MYRFL: variants seen among roughly 807,000 people sequenced by gnomAD.
MYRFL encodes myelin regulatory factor-like protein.
Under a neutral mutation model 109.4 loss-of-function variants are expected in MYRFL, and 88 were observed. The ratio of observed to expected loss-of-function variants is 0.80; its 90% confidence interval spans 0.68 to 0.96. The LOEUF (loss-of-function observed/expected upper bound fraction) is 0.96. Ranked by LOEUF, MYRFL falls within the 40% of genes least tolerant of loss-of-function variation. The pLI is 0.00. For missense variants in MYRFL, 957 were observed against 954.9 expected, an observed-to-expected ratio of 1.00 and a Z score of -0.03; for synonymous variants, 324 against 320.9, an observed-to-expected ratio of 1.01 and a Z score of -0.10.
intron 1 of MYRFL, among the ~76,000 whole-genome samples, chr12:69,852,799 G>T (rs1006532355): frequency 1.3e-5 from 2 of 151,770 alleles, no homozygotes. Context: ...CTTAACGAGC[G>T]TGCTGCCTTC....
At chr12:69,853,082 T>C (rs1883989242) in intron 1 of MYRFL, among the ~76,000 whole-genome samples, 2 of 152,246 alleles carry the variant, frequency 1.3e-5, no homozygotes, top group African/African-American at 2.4e-5. Context: ...TCATGGCCCG[T>C]TCTCAATGAG....
chr12:69,845,422 T>C (rs924785458), intron 1 of MYRFL, among the ~76,000 whole-genome samples: 1 of 152,220 alleles, frequency 6.6e-6, no homozygotes, highest in Non-Finnish European at 1.5e-5. Context: ...TCAACTCCAC[T>C]ATGAGGTCAT....
chr12:69,859,404 T>G (rs1884498022), intron 2 of MYRFL, among the ~76,000 whole-genome samples: 1 of 152,198 alleles, frequency 6.6e-6, no homozygotes, highest in Non-Finnish European at 1.5e-5. Context: ...CTGATTGCTT[T>G]CTACTAATTT....
intron 1 of MYRFL, among the ~76,000 whole-genome samples, chr12:69,826,590 A>G (rs1240103903): frequency 2.0e-5 from 3 of 152,038 alleles, no homozygotes; most frequent in East Asian, 1.9e-4. Flanking sequence ...TTTTATTTCT[A>G]TGGGATCCCT....
chr12:69,938,226 G>T (rs1348324360), intron 19 of MYRFL, among the ~76,000 whole-genome samples: 2 of 152,168 alleles, frequency 1.3e-5, no homozygotes, highest in African/African-American at 4.8e-5. Context: ...TATCCCTTGT[G>T]AAAGCACATG....
intron 19 of MYRFL, among the ~76,000 whole-genome samples, chr12:69,943,879 G>C (rs569699675): frequency 6.6e-6 from 1 of 152,098 alleles, no homozygotes; most frequent in South Asian, 2.1e-4. Context: ...TGAAGGACAT[G>C]AACAGACACT....
intron 13 of MYRFL, among the ~76,000 whole-genome samples, chr12:69,918,992 T>C (rs1790894904): frequency 6.6e-6 from 1 of 152,218 alleles, no homozygotes; most frequent in Admixed American, 6.5e-5. Flanking sequence ...TATTTGTGGT[T>C]TACTTGCTAT....
At chr12:69,912,970 T>A (rs1167888118) in intron 13 of MYRFL, among the ~76,000 whole-genome samples, 1 of 151,548 alleles carries the variant, frequency 6.6e-6, no homozygotes, top group Non-Finnish European at 1.5e-5. Flanking sequence ...TGCTTGTAAT[T>A]TTTTTTTTCT....
chr12:69,859,350 G>A (rs1884495662), intron 2 of MYRFL, among the ~76,000 whole-genome samples: 1 of 152,090 alleles, frequency 6.6e-6, no homozygotes, highest in Admixed American at 6.6e-5. Flanking sequence ...ATATCAGTTA[G>A]GTCAAGTTGG....
chr12:69,926,549 CTGTT>C lies in MYRFL; in HGVS notation c.1603-19_1603-16del, dbSNP rs1566030508. 6.8e-7 allele frequency: 1 copy of C among 1,471,636 alleles called. No individual in the cohort carries two copies. The highest frequency in any genetic ancestry group is 9.0e-7 in the Non-Finnish European group (1 of 1,114,426). The allele number at this position is 1,471,636 out of a possible 1,614,324, so 91.2% of individuals were successfully genotyped here. ...ATCTCAAATTGTTAATTTATGCACT[CTGTT>C]TGATTTTTCCCTTTTAGGACCAGAT... On this transcript the variant is annotated intron_variant, in intron 13 of 24. Transcript: ENST00000552032.
chr12:69,936,083 T>TTG, intron 16 of MYRFL, 30 bp from the exon 17 acceptor site: 7 of 1,128,912 alleles, frequency 6.2e-6, no homozygotes, highest in Non-Finnish European at 4.6e-6. Flanking sequence ...ATAATGTTTT[T>TTG]TTTTTTTTTT....
intron 13 of MYRFL, among the ~76,000 whole-genome samples, chr12:69,923,194 C>G (rs1374405920): frequency 6.6e-6 from 1 of 152,158 alleles, no homozygotes; most frequent in African/African-American, 2.4e-5. Flanking sequence ...GCTCCTGAGT[C>G]ATTTTGACCC....
At chr12:69,900,930 G>A (rs1159132991) in intron 10 of MYRFL, among the ~76,000 whole-genome samples, 1 of 152,178 alleles carries the variant, frequency 6.6e-6, no homozygotes, top group Non-Finnish European at 1.5e-5. Context: ...GCTGTGCCCA[G>A]GAGAGTGTGT....
intron 11 of MYRFL, among the ~76,000 whole-genome samples, chr12:69,909,552 A>T (rs745848): frequency 0.19 from 28,091 of 151,056 alleles, 3,751 homozygotes; most frequent in African/African-American, 0.38. Flanking sequence ...TAAAGATATT[A>T]AAAAAAAAAT....
rs562920185 is a variant in MYRFL at position 69,940,565 on chromosome 12, A to G, written c.2224+3933A>G. 2.0e-5 allele frequency among the ~76,000 whole-genome samples: 3 copies of G among 152,208 alleles called. No individual in the cohort carries two copies. In the East Asian group the frequency reaches 5.8e-4, roughly 29 times the overall value. ...CTCCTGAAGGAAGTGCTAAACATGG[A>G]AAGGAACAACCGGTACCAGCCACTG... On this transcript the variant is annotated intron_variant, in intron 19 of 24. Coordinates refer to ENST00000552032, the MANE Select transcript of MYRFL (RefSeq NM_182530.3).
chr12:69,903,133 A>C (rs944124451), intron 10 of MYRFL, among the ~76,000 whole-genome samples: 1 of 152,232 alleles, frequency 6.6e-6, no homozygotes, highest in African/African-American at 2.4e-5. Flanking sequence ...ATGTATATTA[A>C]ATATATTTGT....
At chr12:69,861,218 G>A (rs564815789) in intron 2 of MYRFL, among the ~76,000 whole-genome samples, 1 of 152,014 alleles carries the variant, frequency 6.6e-6, no homozygotes, top group African/African-American at 2.4e-5. Context: ...ACATGTGCAT[G>A]TGTCTTTATA....
intron 11 of MYRFL, among the ~76,000 whole-genome samples, chr12:69,908,216 A>G (rs1954435869): frequency 6.6e-6 from 1 of 152,248 alleles, no homozygotes; most frequent in Non-Finnish European, 1.5e-5. Flanking sequence ...AACTGGTGAT[A>G]TGTTGATGAA....
At chr12:69,901,935 C>G (rs1422737229) in intron 10 of MYRFL, among the ~76,000 whole-genome samples, 1 of 150,776 alleles carries the variant, frequency 6.6e-6, no homozygotes, top group South Asian at 2.1e-4. Flanking sequence ...GCTCTGTCCC[C>G]TAGGCTGGAG....
Sources: gnomAD v4.1 joint callset for allele counts (sites outside exome capture counted in the v4.1 genomes callset) on GRCh38, gnomAD v4.1.1 for gene constraint, MANE v1.5 for transcripts, NCBI Gene and HGNC (gene_info 2026-07-23, HGNC 2026-07-21) for gene names.